The following LMNB2 variants were observed in gnomAD, a reference collection of about 807,000 sequenced individuals.
The protein encoded by LMNB2 is lamin-B2.
In LMNB2, 17 loss-of-function variants were observed where a neutral mutation model predicts 69.3. That is an observed-to-expected ratio of 0.25 (90% CI 0.17 to 0.37). The LOEUF (loss-of-function observed/expected upper bound fraction) is 0.37, where lower values mean the gene tolerates loss of function less well. LMNB2 is among the 10% of genes least tolerant of loss of function. LMNB2 has a pLI of 1.00. For missense variants in LMNB2, 789 were observed against 883.6 expected, an observed-to-expected ratio of 0.89 and a Z score of 1.36; for synonymous variants, 397 against 389.3, an observed-to-expected ratio of 1.02 and a Z score of -0.23.
chr19:2,432,934 C>T (rs1971763068), intron 8 of LMNB2, among the ~76,000 whole-genome samples: 1 of 83,086 alleles, frequency 1.2e-5, no homozygotes, highest in Non-Finnish European at 2.3e-5. Flanking sequence ...ACCCTGGTCA[C>T]CCCATCAGCT....
At position 2,456,936 on chromosome 19, in the gene LMNB2, A is replaced by C. The variant is rs1972098928; in HGVS notation, c.-3T>G. The C allele has an allele frequency of 1.0e-6, 1 of 987,640 alleles. No individual in the cohort carries two copies. The highest frequency in any genetic ancestry group is 6.2e-5 in the Admixed American group (1 of 16,030). 61.2% of individuals were successfully genotyped at this position (987,640 alleles called of 1,614,324 possible). ...CGGCCCGGGCTCGGCGGGCTCATTC[A>C]ATCCGCGCCGCCGGCTGCAAGATGG... On this transcript the variant is annotated 5_prime_UTR_variant, in exon 1 of 12. It adds an upstream start codon to the 5' untranslated region. Coordinates refer to ENST00000325327, the MANE Select transcript of LMNB2 (RefSeq NM_032737.4).
In LMNB2 at chr19:2,453,045, C is replaced by T. The variant is rs1292902472; in HGVS notation, c.264+3625G>A. On this transcript the variant is annotated intron_variant, in intron 1 of 11. Transcript: ENST00000325327. This position sits in a 1 kb window ranked among gnomAD's most constrained non-coding sequence, Gnocchi z 4.4. ...ATCCTCGTGGGGGCTGGGTCATCCT[C>T]GTGGGGGCTGGGTCATCCTCATGGG... 3.7e-5 allele frequency among the ~76,000 whole-genome samples: 4 copies of T among 108,286 alleles called. No homozygotes were observed. The highest frequency in any genetic ancestry group is 1.1e-4 in the Admixed American group (1 of 8,908). The allele number at this position is 108,286 out of a possible 152,430, so 71.0% of individuals were successfully genotyped here.
chr19:2,456,525 G>A (rs1972091811), intron 1 of LMNB2, 145 bp downstream of exon 1: 2 of 830,680 alleles, frequency 2.4e-6, no homozygotes, highest in South Asian at 7.2e-5. Flanking sequence ...CTCACTCAGG[G>A]GCCCCCCGAA....
intron 4 of LMNB2, among the ~76,000 whole-genome samples, chr19:2,437,799 C>CAAAAAAAAA (rs59867677): frequency 7.2e-5 from 10 of 138,604 alleles, no homozygotes; most frequent in Non-Finnish European, 7.6e-5. Flanking sequence ...AACTCCATCT[C>CAAAAAAAAA]AAAAAAAGAC....
At chr19:2,454,272 G>A (rs1039194912) in intron 1 of LMNB2, among the ~76,000 whole-genome samples, 9 of 140,852 alleles carry the variant, frequency 6.4e-5, no homozygotes, top group Non-Finnish European at 1.1e-4. Flanking sequence ...CAGCCTGGAC[G>A]ACGGAGCGAG....
chr19:2,430,061 ATGG>A lies in LMNB2; in HGVS notation c.*847_*849del, dbSNP rs1188875970. ...CAGCGCTCTCCTCCAGAGGGTCAAC[ATGG>A]TGGCGTTCCCTGCAGACAGCTGTTC... On this transcript the variant is annotated 3_prime_UTR_variant, in exon 12 of 12. Coordinates refer to ENST00000325327, the MANE Select transcript of LMNB2 (RefSeq NM_032737.4). 6.5e-6 allele frequency: 1 copy of A among 152,848 alleles called. No individual in the cohort carries two copies. The highest frequency in any genetic ancestry group is 1.5e-5 in the Non-Finnish European group (1 of 68,638). The allele number at this position is 152,848 out of a possible 1,614,324, so 9.5% of individuals were successfully genotyped here.
intron 4 of LMNB2, chr19:2,436,699 G>A (rs1409312380): frequency 3.1e-5 from 4 of 131,100 alleles, no homozygotes; most frequent in Non-Finnish European, 6.1e-5. Flanking sequence ...CACCACGGCC[G>A]CGCACCCACC....
In LMNB2 at chr19:2,438,295, GAC is replaced by G; in HGVS notation, c.559-9_559-8del. On this transcript the variant is annotated splice_region_variant and splice_polypyrimidine_tract_variant and intron_variant, in intron 3 of 11. Transcript: ENST00000325327. ...CTGCATGACCGTCCTCGGCCTGGGA[GAC>G]ACAGGACAGCGAGCTGGTGTGACAA... 7 of 1,613,920 alleles carry G rather than the reference GAC, an allele frequency of 4.3e-6. No homozygotes were observed. Among genetic ancestry groups the G allele is most frequent in the Non-Finnish European group, 5.9e-6 (7 of 1,180,034 alleles).
rs376632004 is a variant in LMNB2 at position 2,433,809 on chromosome 19, C to G, written c.1482+17G>C. On this transcript the variant is annotated intron_variant, in intron 8 of 11. Coordinates refer to ENST00000325327, the MANE Select transcript of LMNB2 (RefSeq NM_032737.4). ...TGGGTCACCCCGTTACCCCCATGCC[C>G]CGGTCTTTCCGGTCACCTTGTCCGA... 1.8e-5 allele frequency: 29 copies of G among 1,612,972 alleles called. No homozygotes were observed. The African/African-American group carries it at 3.6e-4, about 20-fold the overall frequency.
intron 6 of LMNB2, 62 bp downstream of exon 6, chr19:2,434,726 T>C (rs1225472605): frequency 5.1e-6 from 8 of 1,558,264 alleles, no homozygotes; most frequent in Non-Finnish European, 6.9e-6. Flanking sequence ...GCCCCGCACA[T>C]CCAGGGCAGG....
chr19:2,430,835 TA>T lies in LMNB2; in HGVS notation c.*75del, dbSNP rs745355266. ...AATTCTCTAGAAATGTATCAAGAAC[TA>T]AAGAAAGCCAATGATATAAAAATAG... On this transcript the variant is annotated 3_prime_UTR_variant, in exon 12 of 12. Transcript: ENST00000325327. 1.0e-6 allele frequency: 1 copy of T among 992,300 alleles called. No homozygotes were observed. The highest frequency in any genetic ancestry group is 1.6e-6 in the Non-Finnish European group (1 of 611,830). The allele number at this position is 992,300 out of a possible 1,614,324, so 61.5% of individuals were successfully genotyped here.
In LMNB2 at chr19:2,433,991, C is replaced by T. The variant is rs371064001; in HGVS notation, c.1317G>A (p.Leu439=). The stretch of plus-strand genomic sequence containing the variant: ...CGCTGCCCAAGGGCTCCTCCACCTC[C>T]AGCCGCTTCCGCTTACTGCGGCCCA... ...GRLGRSKRKR[L]EVEEPLGSGP... is the part of the protein sequence containing the mutation. The change falls in exon 8 of 12, where the codon CTG becomes CTA. Residue 439 remains leucine (L), a synonymous_variant. Transcript: ENST00000325327. 3.1e-6 allele frequency: 5 copies of T among 1,610,006 alleles called. No homozygotes were observed. Among genetic ancestry groups the T allele is most frequent in the Non-Finnish European group, 3.4e-6 (4 of 1,179,302 alleles).
In LMNB2 at chr19:2,434,530, G is replaced by C; in HGVS notation, c.982-15C>G. ...GCGGCACTGGCCTGCGGAGGGGGCG[G>C]GTGGCGAAGGTCAGGGCAGCCCATG... On this transcript the variant is annotated splice_polypyrimidine_tract_variant and intron_variant, in intron 6 of 11. Transcript: ENST00000325327. 6.2e-7 allele frequency: 1 copy of C among 1,609,288 alleles called. No homozygotes were observed. Among genetic ancestry groups the C allele is most frequent in the Non-Finnish European group, 8.5e-7 (1 of 1,179,304 alleles).
At chr19:2,436,381 A>AAAAACAAAACAAAAC (rs370520046) in intron 4 of LMNB2, among the ~76,000 whole-genome samples, 8,885 of 151,652 alleles carry the variant, frequency 0.059, 468 homozygotes, top group East Asian at 0.31. Flanking sequence ...ACTCCATCTC[A>AAAAACAAAACAAAAC]AAAACAAAAC....
intron 11 of LMNB2, 62 bp downstream of exon 11, chr19:2,431,486 T>C: frequency 6.2e-7 from 1 of 1,609,036 alleles, no homozygotes; most frequent in Non-Finnish European, 8.5e-7. Flanking sequence ...TGTATGTGTG[T>C]GCACGAGCTC....
At chr19:2,446,835 T>C (rs1270225183) in intron 1 of LMNB2, among the ~76,000 whole-genome samples, 1 of 152,094 alleles carries the variant, frequency 6.6e-6, no homozygotes, top group African/African-American at 2.4e-5. Context: ...TTCACATCCA[T>C]GCATGTTTGA....
In LMNB2 at chr19:2,443,063, G is replaced by C. The variant is rs189175089; in HGVS notation, c.401+1341C>G. Among the ~76,000 whole-genome samples the C allele has an allele frequency of 6.6e-6, 1 of 152,268 alleles. No individual in the cohort carries two copies. The highest frequency in any genetic ancestry group is 1.9e-4 in the East Asian group (1 of 5,176). ...ACTGATGAACCTGCTTATTAAACAC[G>C]GTGGGTGCTGGAGGTAGACAGCACA... On this transcript the variant is annotated intron_variant, in intron 2 of 11. Coordinates refer to ENST00000325327, the MANE Select transcript of LMNB2 (RefSeq NM_032737.4). The surrounding 1 kb of genome is among the most constrained non-coding windows in gnomAD (Gnocchi z 6.2).
At chr19:2,456,150 G>T (rs985569199) in intron 1 of LMNB2, among the ~76,000 whole-genome samples, 1 of 149,934 alleles carries the variant, frequency 6.7e-6, no homozygotes, top group African/African-American at 2.5e-5. Flanking sequence ...TTTCACTCAG[G>T]GACTCTCCGA....
rs774241344 is a variant in LMNB2, at chr19:2,434,954, G to A, written c.856-41C>T. On this transcript the variant is annotated intron_variant, in intron 5 of 11. Coordinates refer to ENST00000325327, the MANE Select transcript of LMNB2 (RefSeq NM_032737.4). ...CGGGTGAGTGCGGGCGCGGGGCGGG[G>A]CGGGGTTCCCACCGGCCGCCCCCGC... 4.1e-5 allele frequency: 65 copies of A among 1,588,666 alleles called. No individual in the cohort carries two copies. In the Middle Eastern group the frequency reaches 9.3e-4, roughly 23 times the overall value.
Sources: gnomAD v4.1 joint callset for allele counts (sites outside exome capture counted in the v4.1 genomes callset) on GRCh38, gnomAD v4.1.1 for gene constraint, Gnocchi (gnomAD v3.1) non-coding constraint, MANE v1.5 for transcripts, NCBI Gene and HGNC (gene_info 2026-07-23, HGNC 2026-07-21) for gene names.